PCDHGA9: variants seen among roughly 807,000 people sequenced by gnomAD.
PCDHGA9 encodes protocadherin gamma subfamily A, 9, also known as protocadherin gamma-A9.
In PCDHGA9, 37 loss-of-function variants were observed where a neutral mutation model predicts 62.5. The ratio of observed to expected loss-of-function variants is 0.59; its 90% confidence interval spans 0.46 to 0.78. The LOEUF is 0.78. Ranked by LOEUF, PCDHGA9 falls within the 30% of genes least tolerant of loss-of-function variation. The pLI is 0.00. For missense variants in PCDHGA9, 1,138 were observed against 1,166.2 expected (o/e 0.98, Z 0.35); for synonymous variants, 459 against 484.6 (o/e 0.95, Z 0.69).
intron 1 of PCDHGA9, among the ~76,000 whole-genome samples, chr5:141,469,120 T>C (rs188113354): frequency 6.6e-6 from 1 of 151,574 alleles, no homozygotes; most frequent in East Asian, 1.9e-4. Context: ...CTAAAAAAAT[T>C]TAAAAATTAG....
chr5:141,413,042 G>T, intron 1 of PCDHGA9: 1 of 857,566 alleles, frequency 1.2e-6, no homozygotes, highest in Non-Finnish European at 1.7e-6. Context: ...CTGCTGGGCT[G>T]CAGGGAAGCT....
chr5:141,486,083 C>T lies in PCDHGA9; in HGVS notation c.2425-8724C>T, dbSNP rs367657659. On this transcript the variant is annotated intron_variant, in intron 1 of 3. Coordinates refer to ENST00000573521, the MANE Select transcript of PCDHGA9 (RefSeq NM_018921.3). This position sits in a 1 kb window ranked among gnomAD's most constrained non-coding sequence, Gnocchi z 5.0. ...GCACCCCACTACTGGAAAGCTTACTCTTTTGGGGCCCCTAGACTTTGAGAG... is the reference window on the plus strand; with the variant it reads ...GCACCCCACTACTGGAAAGCTTACTTTTTTGGGGCCCCTAGACTTTGAGAG... The T allele has an allele frequency of 1.2e-6, 2 of 1,614,062 alleles. No individual in the cohort carries two copies. Among genetic ancestry groups the T allele is most frequent in the Non-Finnish European group, 1.7e-6 (2 of 1,180,040 alleles).
intron 3 of PCDHGA9, among the ~76,000 whole-genome samples, chr5:141,508,848 TC>T (rs1390332366): frequency 6.6e-5 from 10 of 151,752 alleles, no homozygotes. Context: ...CCCCTTCCAT[TC>T]CCAGGCTGGG....
In PCDHGA9 at chr5:141,431,469, A is replaced by G; in HGVS notation, c.2424+26093A>G. 1.9e-6 allele frequency: 3 copies of G among 1,613,824 alleles called. No individual in the cohort carries two copies. Among genetic ancestry groups the G allele is most frequent in the Non-Finnish European group, 2.5e-6 (3 of 1,179,968 alleles). ...CGCGTGATGGTTCTGGATGCGAACG[A>G]CAACGCACCAGCGTTTGCTCAGCCC... is the stretch of plus-strand genomic sequence containing the variant. On this transcript the variant is annotated intron_variant, in intron 1 of 3. Coordinates refer to ENST00000573521, the MANE Select transcript of PCDHGA9 (RefSeq NM_018921.3). This position sits in a 1 kb window ranked among gnomAD's most constrained non-coding sequence, Gnocchi z 4.8.
Position 141,491,739 on chromosome 5 carries a change from C to T in PCDHGA9, c.2425-3068C>T. ...CGCCGCCCCGGGCGACCCCTGGGGG[C>T]GGCACTGGAGAAGCCGCCCGTCCTC... On this transcript the variant is annotated intron_variant, in intron 1 of 3. Transcript: ENST00000573521. This position sits in a 1 kb window ranked among gnomAD's most constrained non-coding sequence, Gnocchi z 6.9. The T allele has an allele frequency of 1.3e-6, 2 of 1,599,004 alleles. No individual in the cohort carries two copies. Among genetic ancestry groups the T allele is most frequent in the East Asian group, 2.3e-5 (1 of 44,194 alleles).
chr5:141,423,116 C>T (rs374000303), intron 1 of PCDHGA9: 210 of 1,613,682 alleles, frequency 1.3e-4, no homozygotes, highest in Middle Eastern at 4.9e-4. Context: ...GTGCGTACAG[C>T]GCGGGCACTG....
chr5:141,417,634 G>A, intron 1 of PCDHGA9: 1 of 721,778 alleles, frequency 1.4e-6, no homozygotes, highest in Non-Finnish European at 2.1e-6. Context: ...GCTGACGCCG[G>A]GGATCCCTCA....
At chr5:141,473,402 T>C (rs1019157713) in intron 1 of PCDHGA9, among the ~76,000 whole-genome samples, 7 of 152,224 alleles carry the variant, frequency 4.6e-5, no homozygotes, top group Non-Finnish European at 7.3e-5. Flanking sequence ...CTTCTTTTTT[T>C]CTTCTTCAGT....
chr5:141,421,468 C>A (rs759548375), intron 1 of PCDHGA9: 9 of 1,614,096 alleles, frequency 5.6e-6, no homozygotes, highest in Non-Finnish European at 5.9e-6. Flanking sequence ...TGTGAATCCG[C>A]GAAGCGGCAG....
chr5:141,418,064 A>T, intron 1 of PCDHGA9: 1 of 1,614,006 alleles, frequency 6.2e-7, no homozygotes, highest in Non-Finnish European at 8.5e-7. Flanking sequence ...GCTGCGAGTG[A>T]GCGCGGAGAA....
chr5:141,405,540 C>A (rs2094682922), intron 1 of PCDHGA9, 164 bp downstream of exon 1: 1 of 641,202 alleles, frequency 1.6e-6, no homozygotes, highest in African/African-American at 1.8e-5. Context: ...CTGCCTCAGC[C>A]TCCCAAGTAG....
chr5:141,486,474 C>G lies in PCDHGA9; in HGVS notation c.2425-8333C>G. ...ACTGCTTCTGATGCTGGGAACCCTC[C>G]TCTCAGTACCCACAGAACTATTTTC... On this transcript the variant is annotated intron_variant, in intron 1 of 3. Transcript: ENST00000573521. The surrounding 1 kb of genome is among the most constrained non-coding windows in gnomAD (Gnocchi z 5.0). The G allele has an allele frequency of 6.2e-7, 1 of 1,614,016 alleles. No individual in the cohort carries two copies. Among genetic ancestry groups the G allele is most frequent in the Non-Finnish European group, 8.5e-7 (1 of 1,179,822 alleles).
At position 141,490,356 on chromosome 5, in the gene PCDHGA9, T is replaced by C. The variant is rs771968534; in HGVS notation, c.2425-4451T>C. ...CAGTGGGCACAGTAGTGGGGTTGTT[T>C]AATGTGCGAGACCGGGACTCAGGTA... On this transcript the variant is annotated intron_variant, in intron 1 of 3. Coordinates refer to ENST00000573521, the MANE Select transcript of PCDHGA9 (RefSeq NM_018921.3). The surrounding 1 kb of genome is among the most constrained non-coding windows in gnomAD (Gnocchi z 5.4). 1.4e-5 allele frequency: 23 copies of C among 1,614,084 alleles called. No individual in the cohort carries two copies. Among genetic ancestry groups the C allele is most frequent in the Non-Finnish European group, 1.9e-5 (22 of 1,180,038 alleles).
chr5:141,419,933 C>CTGG (rs1192896428), intron 1 of PCDHGA9: 1 of 1,613,952 alleles, frequency 6.2e-7, no homozygotes, highest in African/African-American at 1.3e-5. Context: ...GCAGTTTTAC[C>CTGG]TGGTGGTGGC....
At chr5:141,450,067 T>C (rs1007808503) in intron 1 of PCDHGA9, among the ~76,000 whole-genome samples, 4 of 147,604 alleles carry the variant, frequency 2.7e-5, no homozygotes, top group African/African-American at 1.0e-4. Context: ...AATGCAGTGG[T>C]ATGATCTTGG....
intron 3 of PCDHGA9, among the ~76,000 whole-genome samples, chr5:141,505,698 G>A (rs1041309644): frequency 2.0e-5 from 3 of 152,280 alleles, no homozygotes; most frequent in Admixed American, 6.5e-5. Context: ...GGAGGAGAGC[G>A]AACAAGGAAA....
intron 2 of PCDHGA9, among the ~76,000 whole-genome samples, chr5:141,503,393 G>A (rs954734829): frequency 2.0e-5 from 3 of 151,824 alleles, no homozygotes; most frequent in African/African-American, 4.8e-5. Flanking sequence ...TCAGGAGTTC[G>A]AAACCAACCT....
intron 1 of PCDHGA9, chr5:141,408,375 T>C: frequency 6.2e-7 from 1 of 1,613,972 alleles, no homozygotes; most frequent in Non-Finnish European, 8.5e-7. Context: ...GGGCTCAGTG[T>C]CCTGGATGTG....
At chr5:141,465,923 C>G (rs908350232) in intron 1 of PCDHGA9, among the ~76,000 whole-genome samples, 2 of 152,062 alleles carry the variant, frequency 1.3e-5, no homozygotes, top group African/African-American at 4.8e-5. Flanking sequence ...GATTTCGAGT[C>G]CATCCTGGCT....
Sources: allele counts gnomAD v4.1 joint callset (sites outside exome capture counted in the v4.1 genomes callset), GRCh38; gene constraint gnomAD v4.1.1; non-coding constraint Gnocchi (gnomAD v3.1); transcripts MANE v1.5; gene names NCBI Gene and HGNC (gene_info 2026-07-23, HGNC 2026-07-21).